NTM: variants seen among roughly 807,000 people sequenced by gnomAD.
NTM encodes the protein neurotrimin.
In NTM, 13 loss-of-function variants were observed where a neutral mutation model predicts 42.1. That is an observed-to-expected ratio of 0.31 (90% CI 0.20 to 0.49). NTM has a LOEUF of 0.49. NTM is among the 20% of genes least tolerant of loss of function. NTM has a pLI of 0.99. For synonymous variants in NTM, 187 were observed against 179.2 expected, an observed-to-expected ratio of 1.04 and a Z score of -0.35; for missense variants, 373 against 452.8, an observed-to-expected ratio of 0.82 and a Z score of 1.60.
intron 1 of NTM, among the ~76,000 whole-genome samples, chr11:131,417,892 A>G (rs1205287232): frequency 1.3e-5 from 2 of 152,224 alleles, no homozygotes; most frequent in Non-Finnish European, 2.9e-5. Flanking sequence ...CAGTGTAAGC[A>G]TTTTGGAAAA....
At chr11:131,555,333 C>CAGGA (rs1439282146) in intron 1 of NTM, among the ~76,000 whole-genome samples, 1 of 152,152 alleles carries the variant, frequency 6.6e-6, no homozygotes, top group East Asian at 1.9e-4. Context: ...AGGAGGAAGA[C>CAGGA]AGGATAACAG....
At chr11:131,542,583 T>G (rs1252519697) in intron 1 of NTM, among the ~76,000 whole-genome samples, 1 of 152,126 alleles carries the variant, frequency 6.6e-6, no homozygotes, top group Non-Finnish European at 1.5e-5. Flanking sequence ...ACCTATCCTT[T>G]CCTCAAATTC....
At chr11:131,485,594 T>C (rs79665399) in intron 1 of NTM, among the ~76,000 whole-genome samples, 2,138 of 152,294 alleles carry the variant, frequency 0.014, 59 homozygotes, top group African/African-American at 0.048. Context: ...GGACCATTCA[T>C]TCCAAAAAGA....
At chr11:132,100,218 A>G (rs1290011218) in intron 2 of NTM, among the ~76,000 whole-genome samples, 1 of 152,250 alleles carries the variant, frequency 6.6e-6, no homozygotes, top group Non-Finnish European at 1.5e-5. Context: ...CATGTGTCCC[A>G]TGGCAGTCAC....
chr11:131,422,927 G>C (rs1202163083), intron 1 of NTM, among the ~76,000 whole-genome samples: 1 of 152,176 alleles, frequency 6.6e-6, no homozygotes, highest in East Asian at 1.9e-4. Context: ...AACCATGAAT[G>C]AAGTAGTCTG....
chr11:132,235,068 T>C (rs1411641291), intron 4 of NTM, among the ~76,000 whole-genome samples: 2 of 152,226 alleles, frequency 1.3e-5, no homozygotes, highest in Non-Finnish European at 2.9e-5. Flanking sequence ...CTGAAGACTC[T>C]GTTGTAGCAG....
At chr11:132,179,802 G>A (rs1159206871) in intron 3 of NTM, among the ~76,000 whole-genome samples, 1 of 152,128 alleles carries the variant, frequency 6.6e-6, no homozygotes, top group Non-Finnish European at 1.5e-5. Flanking sequence ...ACTGGTATGG[G>A]AAGAGGAAAA....
At chr11:131,761,891 C>A (rs2084267557) in intron 1 of NTM, among the ~76,000 whole-genome samples, 1 of 149,126 alleles carries the variant, frequency 6.7e-6, no homozygotes. Flanking sequence ...AGCGCGCATG[C>A]TCTCTCTGTC....
intron 2 of NTM, among the ~76,000 whole-genome samples, chr11:131,993,818 TG>T (rs1223297943): frequency 6.6e-6 from 1 of 151,884 alleles, no homozygotes; most frequent in African/African-American, 2.4e-5. Context: ...CTGGCCAAGA[TG>T]GTAGAAACCC....
chr11:132,260,646 A>C (rs956114953), intron 4 of NTM, among the ~76,000 whole-genome samples: 1 of 152,234 alleles, frequency 6.6e-6, no homozygotes, highest in Non-Finnish European at 1.5e-5. Flanking sequence ...GTACAACTAG[A>C]CTATAAAATA....
chr11:131,407,283 GCAGATCTATTATGTGGC>G (rs1170784992), intron 1 of NTM, among the ~76,000 whole-genome samples: 3 of 152,202 alleles, frequency 2.0e-5, no homozygotes, highest in Non-Finnish European at 4.4e-5. Context: ...TTTCACCTAA[GCAGATCTATTATGTGGC>G]CAGAAAAAAC....
rs891073077 is a variant in NTM at position 131,653,298 on chromosome 11, A to T, written c.83-258266A>T. Among the ~76,000 whole-genome samples, 5 of 152,202 alleles carry T rather than the reference A, an allele frequency of 3.3e-5. No homozygotes were observed. In the East Asian group the frequency reaches 9.7e-4, roughly 29 times the overall value. On this transcript the variant is annotated intron_variant, in intron 1 of 8. Transcript: ENST00000683400. ...ACCTGCTGTCTCTCTTAGCCTTCAG[A>T]AACAGATGTGGCCCACTGGAAAGAC...
intron 3 of NTM, among the ~76,000 whole-genome samples, chr11:132,179,005 T>C (rs2077184071): frequency 6.6e-6 from 1 of 152,190 alleles, no homozygotes. Flanking sequence ...TTCCTGGTCT[T>C]ATTTATTTTT....
intron 3 of NTM, among the ~76,000 whole-genome samples, chr11:132,161,760 T>A (rs1486915234): frequency 6.6e-6 from 1 of 152,158 alleles, no homozygotes; most frequent in Non-Finnish European, 1.5e-5. Flanking sequence ...CTCCCGCAGC[T>A]GCGCCATCCC....
At chr11:132,316,108 G>A (rs372168611) in intron 7 of NTM, among the ~76,000 whole-genome samples, 33 of 151,758 alleles carry the variant, frequency 2.2e-4, no homozygotes, top group African/African-American at 8.0e-4. Flanking sequence ...CACAGGGGTA[G>A]TCTTCCCCCC....
chr11:131,813,563 G>A (rs991888763), intron 1 of NTM, among the ~76,000 whole-genome samples: 1 of 152,170 alleles, frequency 6.6e-6, no homozygotes, highest in African/African-American at 2.4e-5. Context: ...TTATCTTAAA[G>A]AATGGTTAAG....
intron 4 of NTM, among the ~76,000 whole-genome samples, chr11:132,230,158 T>A (rs767019952): frequency 6.6e-6 from 1 of 152,192 alleles, no homozygotes; most frequent in Non-Finnish European, 1.5e-5. Context: ...AGAGTCGATG[T>A]ATCTTCTCAT....
At position 132,215,857 on chromosome 11, in the gene NTM, C is replaced by T. The variant is rs1489393499; in HGVS notation, c.526+3710C>T. 2.0e-5 allele frequency among the ~76,000 whole-genome samples: 3 copies of T among 152,138 alleles called. No individual in the cohort carries two copies. In the East Asian group the frequency reaches 5.8e-4, roughly 29 times the overall value. ...CTTGGTCTTTTCAGGAGGAAGAGCCCCCATCTCACTCCTCTCACTAGCAGG... is the reference window on the plus strand; with the variant it reads ...CTTGGTCTTTTCAGGAGGAAGAGCCTCCATCTCACTCCTCTCACTAGCAGG... On this transcript the variant is annotated intron_variant, in intron 4 of 8. Coordinates refer to ENST00000683400, the MANE Select transcript of NTM (RefSeq NM_001352005.2).
chr11:131,717,116 CAAG>C (rs2077781208), intron 1 of NTM, among the ~76,000 whole-genome samples: 1 of 152,224 alleles, frequency 6.6e-6, no homozygotes, highest in Admixed American at 6.5e-5. Context: ...GCTGGGACTA[CAAG>C]CGTGAGCCAC....
Sources: gnomAD v4.1 joint callset for allele counts (sites outside exome capture counted in the v4.1 genomes callset) on GRCh38, gnomAD v4.1.1 for gene constraint, MANE v1.5 for transcripts, NCBI Gene and HGNC (gene_info 2026-07-23, HGNC 2026-07-21) for gene names.